The following FLI1 variants were observed in gnomAD, a reference collection of about 807,000 sequenced individuals.
The protein encoded by FLI1 is Friend leukemia integration 1 transcription factor.
Under a neutral mutation model 53.1 loss-of-function variants are expected in FLI1, and 13 were observed. The observed-to-expected ratio is 0.24, with a 90% CI of 0.16 to 0.39. The LOEUF (loss-of-function observed/expected upper bound fraction) is 0.39, where lower values mean the gene tolerates loss of function less well. Ranked by LOEUF, FLI1 falls within the 10% of genes least tolerant of loss-of-function variation. The pLI, the probability that FLI1 is intolerant of heterozygous loss-of-function variation, is 1.00. For synonymous variants in FLI1, 244 were observed against 236.7 expected, an observed-to-expected ratio of 1.03 and a Z score of -0.28; for missense variants, 424 against 600.5, an observed-to-expected ratio of 0.71 and a Z score of 3.07.
intron 5 of FLI1, among the ~76,000 whole-genome samples, chr11:128,792,478 G>A (rs1325395829): frequency 6.6e-6 from 1 of 152,208 alleles, no homozygotes; most frequent in Non-Finnish European, 1.5e-5. Flanking sequence ...CGGTGGTAAT[G>A]GAGCTGCAAA....
In FLI1 at chr11:128,811,319, T is replaced by C. The variant is rs1169249882; in HGVS notation, c.*331T>C. On this transcript the variant is annotated 3_prime_UTR_variant, in exon 9 of 9. Transcript: ENST00000527786. ...AAGAAGCTGTACGTTTTCTTTATGT[T>C]TTTATGACCAAAGCAGTTTCTTGTC... 1.5e-5 allele frequency: 6 copies of C among 399,762 alleles called. No homozygotes were observed. Among genetic ancestry groups the C allele is most frequent in the Non-Finnish European group, 2.7e-5 (6 of 220,934 alleles). The allele number at this position is 399,762 out of a possible 1,614,324, so 24.8% of individuals were successfully genotyped here.
chr11:128,712,434 T>C (rs1047626593), intron 1 of FLI1, among the ~76,000 whole-genome samples: 31 of 152,180 alleles, frequency 2.0e-4, no homozygotes, highest in African/African-American at 7.5e-4. Flanking sequence ...GAAAATGGAT[T>C]AAGCTAGTGC....
rs1942757158 is a variant in FLI1, at chr11:128,805,494, A to G, written c.721+63A>G. ...GTTTCTGAGGACAGGATTGGAGAAC[A>G]GGATCATGAGACACAGGAGAGCAGC... On this transcript the variant is annotated intron_variant, in intron 6 of 8. Coordinates refer to ENST00000527786, the MANE Select transcript of FLI1 (RefSeq NM_002017.5). 3 of 1,031,478 alleles carry G rather than the reference A, an allele frequency of 2.9e-6. No individual in the cohort carries two copies. The Admixed American group carries it at 6.4e-5, about 22-fold the overall frequency. The allele number at this position is 1,031,478 out of a possible 1,614,324, so 63.9% of individuals were successfully genotyped here. A position where few individuals can be genotyped will look rare whatever the true frequency, so the allele number is the denominator to read the frequency against.
At chr11:128,689,273 C>T (rs1456223142), upstream of FLI1, among the ~76,000 whole-genome samples, 3 of 152,150 alleles carry the variant, frequency 2.0e-5, no homozygotes, top group African/African-American at 4.8e-5. Flanking sequence ...AACCCTGACC[C>T]GCACCTGCAC....
At chr11:128,792,193 G>A (rs1262418280) in intron 5 of FLI1, among the ~76,000 whole-genome samples, 2 of 152,292 alleles carry the variant, frequency 1.3e-5, no homozygotes, top group South Asian at 4.1e-4. Flanking sequence ...ACAGAAGAGA[G>A]CCTGTTCCTG....
chr11:128,738,536 G>T lies in FLI1; in HGVS notation c.19-19579G>T, dbSNP rs140800222. On this transcript the variant is annotated intron_variant, in intron 1 of 8. Transcript: ENST00000527786. The stretch of plus-strand genomic sequence containing the variant: ...AGCTGCTGAGCCTCTGCATTGTATA[G>T]CGTGAACAGAGCCCAGCTTTGCAGC... Among the ~76,000 whole-genome samples, 144 of 152,320 alleles carry T rather than the reference G, an allele frequency of 9.5e-4. 1 individual carries two copies. Among genetic ancestry groups the T allele is most frequent in the African/African-American group, 3.0e-3 (124 of 41,548 alleles).
intron 1 of FLI1, among the ~76,000 whole-genome samples, chr11:128,708,208 A>G (rs1191225474): frequency 6.6e-6 from 1 of 152,210 alleles, no homozygotes; most frequent in Non-Finnish European, 1.5e-5. Context: ...GGAGCGTTAC[A>G]TGAGACACAA....
chr11:128,766,016 G>A (rs748920532), intron 2 of FLI1, among the ~76,000 whole-genome samples: 5 of 152,184 alleles, frequency 3.3e-5, no homozygotes, highest in Non-Finnish European at 7.4e-5. Context: ...ATGTGTGCAC[G>A]TGTTCTCTGT....
chr11:128,712,412 G>A (rs1428748270), intron 1 of FLI1, among the ~76,000 whole-genome samples: 6 of 152,112 alleles, frequency 3.9e-5, no homozygotes, highest in Admixed American at 2.0e-4. Flanking sequence ...CAGATATTCC[G>A]TTATAGCTAC....
At chr11:128,795,900 G>A in intron 5 of FLI1, among the ~76,000 whole-genome samples, 1 of 152,186 alleles carries the variant, frequency 6.6e-6, no homozygotes, top group East Asian at 1.9e-4. Flanking sequence ...AAAGATCCCT[G>A]TGAGGATCCA....
chr11:128,777,440 C>T (rs899824492), intron 4 of FLI1, among the ~76,000 whole-genome samples: 2 of 152,278 alleles, frequency 1.3e-5, no homozygotes, highest in African/African-American at 2.4e-5. Flanking sequence ...TATCTTCATT[C>T]CCATTTTTAA....
intron 4 of FLI1, among the ~76,000 whole-genome samples, chr11:128,777,317 G>GTA (rs1052632282): frequency 1.7e-4 from 24 of 142,854 alleles, no homozygotes; most frequent in African/African-American, 6.8e-4. Flanking sequence ...AGTTCGTTTT[G>GTA]TATGTCAATC....
chr11:128,725,008 C>T lies in FLI1; in HGVS notation c.18+30732C>T, dbSNP rs190079300. On this transcript the variant is annotated intron_variant, in intron 1 of 8. Coordinates refer to ENST00000527786, the MANE Select transcript of FLI1 (RefSeq NM_002017.5). ...TGACAGCGTGGCCTCTTGATAGTCC[C>T]CCATGCTCTGTCCAGGGGGAGGATG... is the stretch of plus-strand genomic sequence containing the variant. Among the ~76,000 whole-genome samples, 135 of 152,262 alleles carry T rather than the reference C, an allele frequency of 8.9e-4. 1 individual carries two copies. Among genetic ancestry groups the T allele is most frequent in the African/African-American group, 3.2e-3 (132 of 41,542 alleles).
At chr11:128,700,613 C>A (rs1388893891) in intron 1 of FLI1, among the ~76,000 whole-genome samples, 1 of 152,158 alleles carries the variant, frequency 6.6e-6, no homozygotes, top group African/African-American at 2.4e-5. Flanking sequence ...GTGGCTCATG[C>A]CTGTAATCCC....
chr11:128,745,847 C>A (rs988476967), intron 1 of FLI1, among the ~76,000 whole-genome samples: 1 of 152,162 alleles, frequency 6.6e-6, no homozygotes, highest in Non-Finnish European at 1.5e-5. Context: ...TGAAGCCCCC[C>A]CATATGCATG....
Position 128,811,117 on chromosome 11 carries a change from C to T in FLI1, c.*129C>T, listed in dbSNP as rs1364303724. On this transcript the variant is annotated 3_prime_UTR_variant, in exon 9 of 9. Transcript: ENST00000527786. ...GGATGTTCTTTCTTGTTGGATAGAACCTTTGTATTTGTTCTTTAAAAACAT... is the reference window on the plus strand; with the variant it reads ...GGATGTTCTTTCTTGTTGGATAGAATCTTTGTATTTGTTCTTTAAAAACAT... 2 of 904,764 alleles carry T rather than the reference C, an allele frequency of 2.2e-6. No individual in the cohort carries two copies. The highest frequency in any genetic ancestry group is 3.5e-6 in the Non-Finnish European group (2 of 578,290). 56.0% of individuals were successfully genotyped at this position (904,764 alleles called of 1,614,324 possible).
upstream of FLI1, among the ~76,000 whole-genome samples, chr11:128,689,781 T>C (rs1937663037): frequency 6.6e-6 from 1 of 152,214 alleles, no homozygotes; most frequent in Non-Finnish European, 1.5e-5. Context: ...CTGGTCAGGA[T>C]TGGACTCCCT....
At chr11:128,741,387 C>T (rs1940133008) in intron 1 of FLI1, among the ~76,000 whole-genome samples, 1 of 152,042 alleles carries the variant, frequency 6.6e-6, no homozygotes, top group African/African-American at 2.4e-5. Context: ...AGTGAGACTC[C>T]GTCTCAAAAG....
chr11:128,779,015 T>C (rs1941830861), intron 4 of FLI1, among the ~76,000 whole-genome samples: 1 of 152,232 alleles, frequency 6.6e-6, no homozygotes, highest in Admixed American at 6.5e-5. Flanking sequence ...GGAGTGAAAC[T>C]TGAACCAAGA....
Sources: allele counts gnomAD v4.1 joint callset (sites outside exome capture counted in the v4.1 genomes callset), GRCh38; gene constraint gnomAD v4.1.1; transcripts MANE v1.5; gene names NCBI Gene and HGNC (gene_info 2026-07-23, HGNC 2026-07-21).